PTPRM: variants seen among roughly 807,000 people sequenced by gnomAD.
PTPRM encodes the protein protein tyrosine phosphatase receptor type M.
Under a neutral mutation model 186.7 loss-of-function variants are expected in PTPRM, and 47 were observed. The observed-to-expected ratio is 0.25, with a 90% CI of 0.20 to 0.32. The LOEUF (loss-of-function observed/expected upper bound fraction) is 0.32. Among genes scored for constraint, PTPRM ranks in the 10% least tolerant of loss-of-function variants. PTPRM has a pLI of 1.00. For missense variants in PTPRM, 1,494 were observed against 1,865.0 expected, an observed-to-expected ratio of 0.80 and a Z score of 3.66; for synonymous variants, 668 against 674.9, an observed-to-expected ratio of 0.99 and a Z score of 0.16.
intron 13 of PTPRM, among the ~76,000 whole-genome samples, chr18:8,125,738 G>C (rs190124520): frequency 3.9e-5 from 6 of 151,902 alleles, no homozygotes; most frequent in Admixed American, 1.3e-4. Context: ...CACAGAGTAA[G>C]TTCTAGAAAT....
chr18:8,053,039 G>T (rs1315276376), intron 7 of PTPRM, among the ~76,000 whole-genome samples: 1 of 152,070 alleles, frequency 6.6e-6, no homozygotes. Context: ...TCTTGTGATT[G>T]GTGGAAGTTC....
chr18:7,805,660 G>A (rs2044198542), intron 2 of PTPRM, among the ~76,000 whole-genome samples: 1 of 152,160 alleles, frequency 6.6e-6, no homozygotes, highest in Admixed American at 6.5e-5. Context: ...AGTCTGGACT[G>A]TAACTTCTTG....
chr18:8,091,595 T>TG (rs1178777834), intron 11 of PTPRM, among the ~76,000 whole-genome samples: 3 of 151,936 alleles, frequency 2.0e-5, no homozygotes, highest in Non-Finnish European at 4.4e-5. Flanking sequence ...AGATTTTTTT[T>TG]TTTTTTTTTG....
At chr18:8,353,426 G>A (rs1309923215) in intron 23 of PTPRM, among the ~76,000 whole-genome samples, 4 of 152,156 alleles carry the variant, frequency 2.6e-5, no homozygotes, top group Admixed American at 6.5e-5. Context: ...ATGGAGACAC[G>A]TTTAGGAGGT....
rs61737158 is a variant in PTPRM, at chr18:8,387,122, G to A, written c.4095G>A (p.Pro1365=). 1.0e-3 allele frequency: 1,658 copies of A among 1,612,056 alleles called. 10 individuals carry two copies. The African/African-American group carries it at 0.019, about 18-fold the overall frequency. ...AGCAATTCCAGTTCCTGGGCTGGCC[G>A]ATGTACAGGGACACACCAGTGTCTA... The part of the protein sequence containing the change: ...MVQQFQFLGW[P]MYRDTPVSKR... Residue 1365 remains proline, a synonymous_variant, in exon 31 of 33, where the codon CCG becomes CCA. Transcript: ENST00000580170.
At chr18:7,741,547 G>C (rs2040884928) in intron 1 of PTPRM, 1 of 152,184 alleles carries the variant, frequency 6.6e-6, no homozygotes, top group African/African-American at 2.4e-5. Context: ...GATATTTTCA[G>C]TTAACGAAAA....
chr18:7,593,550 G>A (rs1412246461), intron 1 of PTPRM, among the ~76,000 whole-genome samples: 1 of 152,118 alleles, frequency 6.6e-6, no homozygotes, highest in Non-Finnish European at 1.5e-5. Flanking sequence ...GGCAAGAAGC[G>A]GTGGAGCTTC....
At chr18:7,573,383 T>C (rs1212531202) in intron 1 of PTPRM, among the ~76,000 whole-genome samples, 2 of 152,178 alleles carry the variant, frequency 1.3e-5, no homozygotes, top group East Asian at 1.9e-4. Flanking sequence ...GATGGTGAGC[T>C]AGGTTTTAAT....
chr18:8,176,062 A>G (rs1436227409), intron 14 of PTPRM, among the ~76,000 whole-genome samples: 1 of 152,228 alleles, frequency 6.6e-6, no homozygotes, highest in Admixed American at 6.5e-5. Context: ...TTCACAAAGT[A>G]TTAAAAATTA....
intron 19 of PTPRM, among the ~76,000 whole-genome samples, chr18:8,266,631 T>C (rs980967037): frequency 6.6e-6 from 1 of 152,286 alleles, no homozygotes; most frequent in Non-Finnish European, 1.5e-5. Flanking sequence ...TCAAATTGGC[T>C]GGATGCCACG....
At chr18:7,748,311 C>T (rs1458373540) in intron 1 of PTPRM, among the ~76,000 whole-genome samples, 2 of 152,138 alleles carry the variant, frequency 1.3e-5, no homozygotes, top group Non-Finnish European at 2.9e-5. Context: ...GGCTAGTAGC[C>T]CTGTGTTGAA....
intron 1 of PTPRM, among the ~76,000 whole-genome samples, chr18:7,636,065 C>T (rs1009885056): frequency 6.6e-6 from 1 of 152,186 alleles, no homozygotes; most frequent in African/African-American, 2.4e-5. Flanking sequence ...TCTGACTGTG[C>T]ACTCACATGA....
chr18:7,628,840 A>G (rs1267174629), intron 1 of PTPRM, among the ~76,000 whole-genome samples: 1 of 152,202 alleles, frequency 6.6e-6, no homozygotes, highest in Non-Finnish European at 1.5e-5. Flanking sequence ...CTTTCCGTGC[A>G]TGCTTGAGCA....
At chr18:7,661,041 G>C (rs2038968225) in intron 1 of PTPRM, among the ~76,000 whole-genome samples, 1 of 152,272 alleles carries the variant, frequency 6.6e-6, no homozygotes, top group Middle Eastern at 3.4e-3. Flanking sequence ...TGTCAGCTTA[G>C]TGACAGGATG....
At chr18:7,885,491 GT>G (rs1465935555) in intron 2 of PTPRM, among the ~76,000 whole-genome samples, 1 of 152,162 alleles carries the variant, frequency 6.6e-6, no homozygotes, top group African/African-American at 2.4e-5. Flanking sequence ...TGAGAGGACA[GT>G]TGCCCCTCAT....
At chr18:8,164,542 T>C (rs1262715722) in intron 14 of PTPRM, among the ~76,000 whole-genome samples, 2 of 152,198 alleles carry the variant, frequency 1.3e-5, no homozygotes, top group Non-Finnish European at 2.9e-5. Context: ...TCCTGACACA[T>C]GCTACAACAT....
chr18:7,642,549 A>G (rs193250635), intron 1 of PTPRM, among the ~76,000 whole-genome samples: 1 of 152,296 alleles, frequency 6.6e-6, no homozygotes, highest in East Asian at 1.9e-4. Flanking sequence ...TCATCTGGGG[A>G]ATGGAAAAAA....
intron 2 of PTPRM, among the ~76,000 whole-genome samples, chr18:7,860,109 G>A (rs775548251): frequency 1.3e-5 from 2 of 151,238 alleles, no homozygotes; most frequent in South Asian, 4.2e-4. Flanking sequence ...GTCTCGCTGT[G>A]TCTCCCAGGC....
At chr18:7,573,498 G>A (rs1047761990) in intron 1 of PTPRM, among the ~76,000 whole-genome samples, 3 of 152,162 alleles carry the variant, frequency 2.0e-5, no homozygotes, top group African/African-American at 7.2e-5. Flanking sequence ...CACGACAGAG[G>A]TCCCCCAGCA....
Sources: allele counts gnomAD v4.1 joint callset (sites outside exome capture counted in the v4.1 genomes callset), GRCh38; gene constraint gnomAD v4.1.1; transcripts MANE v1.5; gene names NCBI Gene and HGNC (gene_info 2026-07-23, HGNC 2026-07-21).